SPATA6: variants seen among roughly 807,000 people sequenced by gnomAD.
SPATA6 encodes the protein spermatogenesis associated 6, also known as spermatogenesis-associated protein 6.
SPATA6 carries 56 observed loss-of-function variants against 65.3 expected under a neutral mutation model. That is an observed-to-expected ratio of 0.86 (90% CI 0.69 to 1.07). SPATA6 has a LOEUF of 1.07. SPATA6 is among the 50% of genes least tolerant of loss of function. SPATA6 has a pLI of 0.00. For synonymous variants in SPATA6, 199 were observed against 213.2 expected, an observed-to-expected ratio of 0.93 and a Z score of 0.58; for missense variants, 590 against 594.8, an observed-to-expected ratio of 0.99 and a Z score of 0.08.
intron 11 of SPATA6, among the ~76,000 whole-genome samples, chr1:48,354,148 T>C (rs903969654): frequency 7.2e-5 from 11 of 152,096 alleles, no homozygotes; most frequent in Non-Finnish European, 1.5e-4. Context: ...AACCATTATA[T>C]GATAAATTAC....
intron 11 of SPATA6, among the ~76,000 whole-genome samples, chr1:48,316,560 A>C (rs1435733790): frequency 6.6e-6 from 1 of 152,176 alleles, no homozygotes; most frequent in Non-Finnish European, 1.5e-5. Context: ...TACTTGTTAG[A>C]CCTAAAACCA....
intron 1 of SPATA6, among the ~76,000 whole-genome samples, chr1:48,464,246 A>T (rs1657652216): frequency 6.6e-6 from 1 of 152,160 alleles, no homozygotes; most frequent in Non-Finnish European, 1.5e-5. Context: ...AAAGATACCT[A>T]CTTTGTTATC....
intron 3 of SPATA6, among the ~76,000 whole-genome samples, chr1:48,447,660 A>T (rs1656188096): frequency 6.6e-6 from 1 of 152,202 alleles, no homozygotes; most frequent in South Asian, 2.1e-4. Context: ...GGCCACAAAC[A>T]AGTCTCAATA....
At chr1:48,440,426 G>T (rs773599543) in intron 3 of SPATA6, among the ~76,000 whole-genome samples, 7 of 152,208 alleles carry the variant, frequency 4.6e-5, no homozygotes, top group Non-Finnish European at 8.8e-5. Flanking sequence ...CAGCCCAAGA[G>T]TTTGGAGATA....
chr1:48,305,825 T>C lies in SPATA6; in HGVS notation c.1248A>G (p.Leu416=), dbSNP rs145242877. ...DDELELKRSL[L]CRDSAYDSDP... is the part of the protein sequence containing the mutation. ...CACTGTCATAGGCAGAGTCTCTACA[T>C]AAAAGACTTCTTTTCAGTTCCAGTT... The change falls in exon 12 of 13, where the codon TTA becomes TTG. Residue 416 remains leucine, a synonymous_variant. Coordinates refer to ENST00000371847, the MANE Select transcript of SPATA6 (RefSeq NM_019073.4). The C allele has an allele frequency of 3.7e-6, 6 of 1,612,364 alleles. No homozygotes were observed. Among genetic ancestry groups the C allele is most frequent in the Non-Finnish European group, 4.2e-6 (5 of 1,178,984 alleles).
chr1:48,381,104 CT>C (rs1648521740), intron 9 of SPATA6, among the ~76,000 whole-genome samples: 1 of 152,158 alleles, frequency 6.6e-6, no homozygotes, highest in South Asian at 2.1e-4. Context: ...TGCCACTGAT[CT>C]GACAGGAGGT....
intron 10 of SPATA6, among the ~76,000 whole-genome samples, chr1:48,358,555 G>A (rs1646720621): frequency 6.6e-6 from 1 of 152,076 alleles, no homozygotes; most frequent in Non-Finnish European, 1.5e-5. Flanking sequence ...AGCACCAACT[G>A]TACGTCTAAA....
chr1:48,359,681 C>T lies in SPATA6; in HGVS notation c.999G>A (p.Arg333=). ...YLSPRSCSKP[R]HSARTLLVHS... ...GGACTAGCAAGGTCCTCGCTGAATGCCGGGGCTTACTACACGACCTTGGGC... is the reference window on the plus strand; with the variant it reads ...GGACTAGCAAGGTCCTCGCTGAATGTCGGGGCTTACTACACGACCTTGGGC... Residue 333 remains arginine, a synonymous_variant, in exon 10 of 13, where the codon CGG becomes CGA. Coordinates refer to ENST00000371847, the MANE Select transcript of SPATA6 (RefSeq NM_019073.4). 1 of 1,613,746 alleles carries T rather than the reference C, an allele frequency of 6.2e-7. No homozygotes were observed. Among genetic ancestry groups the T allele is most frequent in the Non-Finnish European group, 8.5e-7 (1 of 1,179,844 alleles).
intron 3 of SPATA6, among the ~76,000 whole-genome samples, chr1:48,415,062 T>G (rs1156292334): frequency 6.6e-6 from 1 of 152,054 alleles, no homozygotes; most frequent in Non-Finnish European, 1.5e-5. Context: ...TAATATTTAT[T>G]CAGGAATAGG....
chr1:48,313,084 T>G (rs1283924181), intron 11 of SPATA6, among the ~76,000 whole-genome samples: 1 of 152,226 alleles, frequency 6.6e-6, no homozygotes, highest in Non-Finnish European at 1.5e-5. Context: ...TACCTGAAAG[T>G]GACGGGGAGA....
chr1:48,411,679 C>G, intron 4 of SPATA6, 91 bp from the exon 5 acceptor site: 1 of 1,121,502 alleles, frequency 8.9e-7, no homozygotes, highest in Non-Finnish European at 1.2e-6. Context: ...CTGCCTGATG[C>G]CTTATTGAAA....
At chr1:48,389,415 C>T (rs1570420816) in intron 8 of SPATA6, among the ~76,000 whole-genome samples, 1 of 152,250 alleles carries the variant, frequency 6.6e-6, no homozygotes, top group East Asian at 1.9e-4. Context: ...ACTAGACATT[C>T]AGATGCAGGG....
At chr1:48,399,835 G>GT (rs1557665759) in intron 6 of SPATA6, among the ~76,000 whole-genome samples, 191 bp from the exon 7 acceptor site, 1 of 151,810 alleles carries the variant, frequency 6.6e-6, no homozygotes, top group African/African-American at 2.4e-5. Context: ...TTCTGCAGTA[G>GT]TTATTAAAGT....
intron 6 of SPATA6, among the ~76,000 whole-genome samples, chr1:48,402,147 GTAAAAA>G (rs1306962345): frequency 2.6e-5 from 4 of 151,742 alleles, no homozygotes; most frequent in Non-Finnish European, 5.9e-5. Context: ...AAGTCAAAAA[GTAAAAA>G]TAAAAATAAA....
the SPATA6 span, among the ~76,000 whole-genome samples, chr1:48,268,365 T>C: frequency 6.6e-6 from 1 of 152,048 alleles, no homozygotes; most frequent in South Asian, 2.1e-4. Flanking sequence ...TATGTACATA[T>C]GTAATCATAT....
chr1:48,280,228 C>G, the SPATA6 span, among the ~76,000 whole-genome samples: 1 of 152,134 alleles, frequency 6.6e-6, no homozygotes, highest in East Asian at 1.9e-4. Flanking sequence ...CAAGACAAAG[C>G]AGGAAAGATG....
rs532391929 is a variant in SPATA6, at chr1:48,391,949, CCTT to C, written c.868+3315_868+3317del. Among the ~76,000 whole-genome samples, 52 of 152,068 alleles carry C rather than the reference CCTT, an allele frequency of 3.4e-4. 1 individual carries two copies. In the South Asian group the frequency reaches 3.9e-3, roughly 12 times the overall value. ...TGTATGACTTGGCGCAACTTACTAT[CCTT>C]CTTTAAACCTCAGGTTTCTTCATCC... On this transcript the variant is annotated intron_variant, in intron 8 of 12. Transcript: ENST00000371847.
chr1:48,448,549 G>A (rs967463117), intron 3 of SPATA6, among the ~76,000 whole-genome samples: 1 of 150,866 alleles, frequency 6.6e-6, no homozygotes, highest in Middle Eastern at 3.2e-3. Flanking sequence ...TCTTTTCTGA[G>A]CACACCCATA....
intron 3 of SPATA6, among the ~76,000 whole-genome samples, chr1:48,442,745 A>C (rs1194442860): frequency 2.3e-5 from 3 of 132,796 alleles, no homozygotes; most frequent in African/African-American, 5.5e-5. Context: ...AAAAAAAAAA[A>C]CAGTGTACCC....
Sources: allele counts gnomAD v4.1 joint callset (sites outside exome capture counted in the v4.1 genomes callset), GRCh38; gene constraint gnomAD v4.1.1; transcripts MANE v1.5; gene names NCBI Gene and HGNC (gene_info 2026-07-23, HGNC 2026-07-21).